The following RUFY3 variants were observed in gnomAD, a reference collection of about 807,000 sequenced individuals.
RUFY3 encodes the protein protein RUFY3.
In RUFY3, 34 loss-of-function variants were observed where a neutral mutation model predicts 84.0. That is an observed-to-expected ratio of 0.40 (90% CI 0.31 to 0.54). The LOEUF (loss-of-function observed/expected upper bound fraction) is 0.54, where lower values mean the gene tolerates loss of function less well. RUFY3 is among the 20% of genes least tolerant of loss of function. The pLI is 0.39. For synonymous variants in RUFY3, 242 were observed against 252.9 expected, an observed-to-expected ratio of 0.96 and a Z score of 0.41; for missense variants, 507 against 736.8, an observed-to-expected ratio of 0.69 and a Z score of 3.61.
At chr4:70,798,632 AG>A (rs1731827988) in intron 14 of RUFY3, among the ~76,000 whole-genome samples, 1 of 152,028 alleles carries the variant, frequency 6.6e-6, no homozygotes, top group African/African-American at 2.4e-5. Context: ...AATACAAAAA[AG>A]TATCTGGGCC....
intron 7 of RUFY3, among the ~76,000 whole-genome samples, chr4:70,777,657 T>C (rs1728182246): frequency 6.6e-6 from 1 of 152,220 alleles, no homozygotes; most frequent in Non-Finnish European, 1.5e-5. Flanking sequence ...AATGGCACTA[T>C]TATTTACTCT....
rs1321043016 is a variant in RUFY3, at chr4:70,808,351, C to CA, written c.*1698dup. Among the ~76,000 whole-genome samples the CA allele has an allele frequency of 6.6e-6, 1 of 151,912 alleles. No homozygotes were observed. The highest frequency in any genetic ancestry group is 1.5e-5 in the Non-Finnish European group (1 of 67,950). ...GGGAAGTGTATTGAGCAAGAGAAGG[C>CA]AAAAAACATTACATAATATTTTGAT... On this transcript the variant is annotated 3_prime_UTR_variant, in exon 18 of 18. Coordinates refer to ENST00000381006, the MANE Select transcript of RUFY3 (RefSeq NM_001037442.4).
intron 16 of RUFY3, among the ~76,000 whole-genome samples, chr4:70,804,145 A>G (rs922403610): frequency 5.3e-5 from 8 of 152,158 alleles, no homozygotes; most frequent in African/African-American, 1.2e-4. Flanking sequence ...AAATCATGTT[A>G]TTATAAAAAT....
intron 15 of RUFY3, among the ~76,000 whole-genome samples, chr4:70,800,828 G>C (rs183133874): frequency 6.6e-6 from 1 of 152,266 alleles, no homozygotes; most frequent in Non-Finnish European, 1.5e-5. Flanking sequence ...GTTGCAGTGA[G>C]CCAAGATAGC....
In RUFY3 at chr4:70,744,716, A is replaced by G. The variant is rs1721908054; in HGVS notation, c.179-17803A>G. ...GTTGCCCAGGCTGGAGTGCAATGCT[A>G]TGATATCAGCTCACTGCAACCTCCA... On this transcript the variant is annotated intron_variant, in intron 1 of 17. Transcript: ENST00000381006. Among the ~76,000 whole-genome samples, 5 of 134,844 alleles carry G rather than the reference A, an allele frequency of 3.7e-5. No homozygotes were observed. In the South Asian group the frequency reaches 1.2e-3, roughly 31 times the overall value. 88.5% of individuals were successfully genotyped at this position (134,844 alleles called of 152,430 possible).
At chr4:70,786,562 A>T (rs757715617) in intron 10 of RUFY3, among the ~76,000 whole-genome samples, 9 of 151,310 alleles carry the variant, frequency 5.9e-5, no homozygotes, top group Non-Finnish European at 1.3e-4. Context: ...GAATGTTCTC[A>T]TCACAAATGA....
Position 70,769,698 on chromosome 4 carries a change from T to A in RUFY3, c.696+1037T>A, listed in dbSNP as rs116098153. The stretch of plus-strand genomic sequence containing the variant: ...CCCACAGTAGAATTTCTTTCAAAAT[T>A]GGAGTCAGTCCTCTCAAATCTTGCT... On this transcript the variant is annotated intron_variant, in intron 5 of 17. Transcript: ENST00000381006. 3.2e-3 allele frequency among the ~76,000 whole-genome samples: 489 copies of A among 152,388 alleles called. 1 individual carries two copies. The highest frequency in any genetic ancestry group is 0.011 in the African/African-American group (472 of 41,600).
At chr4:70,739,324 T>A (rs943728404) in intron 1 of RUFY3, among the ~76,000 whole-genome samples, 1 of 152,188 alleles carries the variant, frequency 6.6e-6, no homozygotes, top group Non-Finnish European at 1.5e-5. Flanking sequence ...TTTTTAAAAT[T>A]CCATTCACTC....
chr4:70,749,174 A>G (rs770290712), intron 1 of RUFY3, among the ~76,000 whole-genome samples: 1 of 152,106 alleles, frequency 6.6e-6, no homozygotes, highest in African/African-American at 2.4e-5. Flanking sequence ...TGTATTTACC[A>G]CCTAAATTTC....
At position 70,804,392 on chromosome 4, in the gene RUFY3, C is replaced by T. The variant is rs755349350; in HGVS notation, c.1695C>T (p.Cys565=). 6.2e-7 allele frequency: 1 copy of T among 1,613,890 alleles called. No individual in the cohort carries two copies. The highest frequency in any genetic ancestry group is 1.1e-5 in the South Asian group (1 of 91,046). Residue 565 remains cysteine (C), a synonymous_variant, in exon 17 of 18, where the codon TGC becomes TGT. Transcript: ENST00000381006. ...AAAAGCCACAGTTGTGTCAGCTATG[C>T]CAGGAAGACGGCAGCCTAACAAAGG... ...LSEKPQLCQL[C]QEDGSLTKNV...
chr4:70,708,696 A>C (rs1740624896), intron 1 of RUFY3, among the ~76,000 whole-genome samples: 1 of 152,164 alleles, frequency 6.6e-6, no homozygotes, highest in South Asian at 2.1e-4. Flanking sequence ...TTAAAAATTA[A>C]ATTTTACATT....
At chr4:70,791,320 G>A (rs201271661) in intron 12 of RUFY3, 488 of 1,611,594 alleles carry the variant, frequency 3.0e-4, no homozygotes, top group Admixed American at 8.9e-4. Flanking sequence ...TGGTCACGTC[G>A]CAAGTCCGAT....
At chr4:70,777,583 T>C (rs915701872) in intron 7 of RUFY3, among the ~76,000 whole-genome samples, 2 of 152,176 alleles carry the variant, frequency 1.3e-5, no homozygotes, top group African/African-American at 2.4e-5. Context: ...TATAATGACT[T>C]TAATGAACTA....
At chr4:70,724,695 C>T (rs1717935179) in intron 1 of RUFY3, among the ~76,000 whole-genome samples, 1 of 152,018 alleles carries the variant, frequency 6.6e-6, no homozygotes, top group African/African-American at 2.4e-5. Flanking sequence ...AGAATTTTGC[C>T]TTAAATTGGG....
At chr4:70,797,360 A>C (rs1052456359) in intron 14 of RUFY3, among the ~76,000 whole-genome samples, 1 of 152,222 alleles carries the variant, frequency 6.6e-6, no homozygotes, top group South Asian at 2.1e-4. Context: ...TTTGAAGTCC[A>C]TGCACAGTCT....
chr4:70,759,917 C>G (rs1724738672), intron 1 of RUFY3, among the ~76,000 whole-genome samples: 2 of 152,174 alleles, frequency 1.3e-5, no homozygotes, highest in Admixed American at 1.3e-4. Flanking sequence ...CTACTGACAT[C>G]TAGTGTTACC....
At chr4:70,763,735 A>G in intron 3 of RUFY3, 66 bp downstream of exon 3, 1 of 1,548,776 alleles carries the variant, frequency 6.5e-7, no homozygotes, top group Non-Finnish European at 8.7e-7. Flanking sequence ...TTGAAGAGCA[A>G]GACTAAAGAC....
chr4:70,737,145 CT>C (rs1368199299), intron 1 of RUFY3, among the ~76,000 whole-genome samples: 3 of 152,056 alleles, frequency 2.0e-5, no homozygotes, highest in Non-Finnish European at 2.9e-5. Context: ...TTTTCTCATG[CT>C]GTATTAACAT....
intron 9 of RUFY3, among the ~76,000 whole-genome samples, chr4:70,784,485 A>G (rs925901148): frequency 6.6e-6 from 1 of 152,142 alleles, no homozygotes; most frequent in African/African-American, 2.4e-5. Flanking sequence ...TCCGTCTCAA[A>G]AAAGAAAAAA....
Sources: gnomAD v4.1 joint callset for allele counts (sites outside exome capture counted in the v4.1 genomes callset) on GRCh38, gnomAD v4.1.1 for gene constraint, MANE v1.5 for transcripts, NCBI Gene and HGNC (gene_info 2026-07-23, HGNC 2026-07-21) for gene names.